KAT2B: variants seen among roughly 807,000 people sequenced by gnomAD.
KAT2B encodes lysine acetyltransferase 2B, also known as histone acetyltransferase KAT2B.
KAT2B carries 36 observed loss-of-function variants against 105.9 expected under a neutral mutation model. That is an observed-to-expected ratio of 0.34 (90% CI 0.26 to 0.45). The LOEUF (loss-of-function observed/expected upper bound fraction) is 0.45, where lower values mean the gene tolerates loss of function less well. Among genes scored for constraint, KAT2B ranks in the 20% least tolerant of loss-of-function variants. The pLI, the probability that KAT2B is intolerant of heterozygous loss-of-function variation, is 1.00. For synonymous variants in KAT2B, 397 were observed against 377.9 expected (o/e 1.05, Z -0.59); for missense variants, 820 against 1,021.6 (o/e 0.80, Z 2.69).
At chr3:20,083,253 A>ATTTTTTATTTTTTTATATTTT (rs1326149303) in intron 2 of KAT2B, among the ~76,000 whole-genome samples, 1,819 of 152,212 alleles carry the variant, frequency 0.012, 37 homozygotes, top group African/African-American at 0.042. Context: ...TTTATTTTTT[A>ATTTTTTATTTTTTTATATTTT]GTTTTTAATA....
Position 20,147,999 on chromosome 3 carries a change from G to T in KAT2B, c.2156G>T (p.Ser719Ile), listed in dbSNP as rs766072546. Residue 719 changes from serine (S) to isoleucine (I), a missense_variant and splice_region_variant, in exon 15 of 18, where the codon AGT (serine) becomes ATT (isoleucine). This residue lies in a region of KAT2B where 227 missense variants were observed against 292.9 expected (regional missense o/e 0.77). Coordinates refer to ENST00000263754, the MANE Select transcript of KAT2B (RefSeq NM_003884.5). Reference sequence around the variant, plus strand: ...TGGAAACCGAGTGGAAAAGAGAAAAGGTAAGTATGACGGGCAAGAGGATGT... The same window carrying T: ...TGGAAACCGAGTGGAAAAGAGAAAATGTAAGTATGACGGGCAAGAGGATGT... Reference protein sequence around the residue: ...TGWKPSGKEKSKEPRDPDQLY... With the variant: ...TGWKPSGKEKIKEPRDPDQLY... 9 of 1,613,246 alleles carry T rather than the reference G, an allele frequency of 5.6e-6. No individual in the cohort carries two copies. The highest frequency in any genetic ancestry group is 1.3e-5 in the African/African-American group (1 of 74,860).
intron 11 of KAT2B, among the ~76,000 whole-genome samples, chr3:20,130,677 T>C (rs1010116050): frequency 2.0e-5 from 3 of 152,248 alleles, no homozygotes; most frequent in Non-Finnish European, 2.9e-5. Context: ...AGAAAGGCAA[T>C]TCCCCCCCAT....
At chr3:20,117,085 T>C (rs1281752929) in intron 7 of KAT2B, among the ~76,000 whole-genome samples, 1 of 150,542 alleles carries the variant, frequency 6.6e-6, no homozygotes, top group Non-Finnish European at 1.5e-5. Flanking sequence ...GGAGAGGATT[T>C]CTGTGTGTGA....
rs115036994 is a variant in KAT2B, at chr3:20,083,172, G to A, written c.430+10713G>A. Among the ~76,000 whole-genome samples the A allele has an allele frequency of 3.0e-3, 452 of 152,264 alleles. 3 individuals carry two copies. Among genetic ancestry groups the A allele is most frequent in the South Asian group, 0.022 (104 of 4,826 alleles). On this transcript the variant is annotated intron_variant, in intron 2 of 17. Coordinates refer to ENST00000263754, the MANE Select transcript of KAT2B (RefSeq NM_003884.5). Reference sequence around the variant, plus strand: ...ATACATCAAAGTTTTACATAGCAGCGACTTCATATCTTGAGTTTTGTGGCA... The same window carrying A: ...ATACATCAAAGTTTTACATAGCAGCAACTTCATATCTTGAGTTTTGTGGCA...
intron 9 of KAT2B, among the ~76,000 whole-genome samples, chr3:20,123,351 AT>A (rs1221345358): frequency 1.3e-5 from 2 of 152,330 alleles, no homozygotes; most frequent in African/African-American, 4.8e-5. Context: ...CTCTTAGAAA[AT>A]TTAGCCTGGT....
chr3:20,142,604 G>A (rs1559331762), intron 13 of KAT2B, among the ~76,000 whole-genome samples: 1 of 152,138 alleles, frequency 6.6e-6, no homozygotes, highest in African/African-American at 2.4e-5. Flanking sequence ...AGTTGGACAG[G>A]TGGACCAAGA....
chr3:20,051,122 C>T (rs543384133), intron 1 of KAT2B, among the ~76,000 whole-genome samples: 1 of 150,804 alleles, frequency 6.6e-6, no homozygotes, highest in Admixed American at 6.6e-5. Flanking sequence ...ATGGCTTGAA[C>T]CCAGGAGGCA....
intron 1 of KAT2B, among the ~76,000 whole-genome samples, chr3:20,044,171 T>G (rs903343173): frequency 6.6e-6 from 1 of 151,982 alleles, no homozygotes; most frequent in African/African-American, 2.4e-5. Context: ...GTCATTTTGG[T>G]TCTGTGTTCA....
At chr3:20,128,837 G>A (rs1699456237) in intron 11 of KAT2B, among the ~76,000 whole-genome samples, 1 of 151,842 alleles carries the variant, frequency 6.6e-6, no homozygotes, top group Admixed American at 6.6e-5. Flanking sequence ...GTAAAACCCT[G>A]TCTCTACTAA....
At chr3:20,062,757 TGGCCCA>T (rs1174506757) in intron 1 of KAT2B, among the ~76,000 whole-genome samples, 3 of 151,892 alleles carry the variant, frequency 2.0e-5, no homozygotes, top group Non-Finnish European at 4.4e-5. Context: ...TCACCGTGCC[TGGCCCA>T]TTTTCATAAT....
intron 13 of KAT2B, among the ~76,000 whole-genome samples, chr3:20,144,710 C>T (rs982648474): frequency 1.3e-5 from 2 of 151,874 alleles, no homozygotes; most frequent in African/African-American, 4.8e-5. Flanking sequence ...TCACTAGCCA[C>T]ATGTGGCTAC....
intron 1 of KAT2B, among the ~76,000 whole-genome samples, chr3:20,041,216 G>A (rs961291504): frequency 6.6e-6 from 1 of 152,086 alleles, no homozygotes; most frequent in Non-Finnish European, 1.5e-5. Context: ...CCCACTGGGA[G>A]GAACTGGGTG....
At chr3:20,087,953 T>TTG (rs1698650429) in intron 2 of KAT2B, among the ~76,000 whole-genome samples, 1 of 60,370 alleles carries the variant, frequency 1.7e-5, no homozygotes, top group South Asian at 9.9e-4. Context: ...TAAAAAAAAA[T>TTG]TTTTTTTTGT....
intron 1 of KAT2B, among the ~76,000 whole-genome samples, chr3:20,041,886 A>G (rs545070985): frequency 6.6e-6 from 1 of 152,344 alleles, no homozygotes; most frequent in South Asian, 2.1e-4. Flanking sequence ...CTACTAGAAC[A>G]TCTAGGTTAT....
intron 6 of KAT2B, among the ~76,000 whole-genome samples, chr3:20,114,192 TCCATTTAGTTTAAA>T (rs1406115698): frequency 6.6e-6 from 1 of 152,200 alleles, no homozygotes; most frequent in Admixed American, 6.5e-5. Context: ...AAACTTGAGA[TCCATTTAGTTTAAA>T]GTTAGCATAG....
At chr3:20,083,420 T>G (rs1454734536) in intron 2 of KAT2B, among the ~76,000 whole-genome samples, 1 of 152,204 alleles carries the variant, frequency 6.6e-6, no homozygotes, top group Non-Finnish European at 1.5e-5. Flanking sequence ...TGGTTTAATA[T>G]GAATTGATTG....
intron 6 of KAT2B, among the ~76,000 whole-genome samples, chr3:20,113,280 G>A (rs1028158878): frequency 8.5e-5 from 13 of 152,132 alleles, no homozygotes; most frequent in Non-Finnish European, 1.8e-4. Context: ...TGCCATATAA[G>A]CAGCATTTTA....
chr3:20,077,042 A>G (rs1439654631), intron 2 of KAT2B, among the ~76,000 whole-genome samples: 1 of 152,230 alleles, frequency 6.6e-6, no homozygotes, highest in Admixed American at 6.5e-5. Context: ...GGTTTTGTGT[A>G]GTCTCCTGAC....
chr3:20,132,640 C>G (rs1699530662), intron 11 of KAT2B, among the ~76,000 whole-genome samples: 1 of 152,204 alleles, frequency 6.6e-6, no homozygotes, highest in African/African-American at 2.4e-5. Context: ...GACTGCTAGT[C>G]ACAAATACTA....
Sources: allele counts gnomAD v4.1 joint callset (sites outside exome capture counted in the v4.1 genomes callset), GRCh38; gene constraint gnomAD v4.1.1; regional missense constraint gnomAD v4.1.1; transcripts MANE v1.5; gene names NCBI Gene and HGNC (gene_info 2026-07-23, HGNC 2026-07-21).